DLGAP2: variants seen among roughly 807,000 people sequenced by gnomAD.
DLGAP2 encodes disks large-associated protein 2.
In DLGAP2, 26 loss-of-function variants were observed where a neutral mutation model predicts 100.3. That is an observed-to-expected ratio of 0.26 (90% CI 0.19 to 0.36). DLGAP2 has a LOEUF of 0.36. Ranked by LOEUF, DLGAP2 falls within the 10% of genes least tolerant of loss-of-function variation. The pLI, the probability that DLGAP2 is intolerant of heterozygous loss-of-function variation, is 1.00. For synonymous variants in DLGAP2, 886 were observed against 630.1 expected, an observed-to-expected ratio of 1.41 and a Z score of -6.08; for missense variants, 1,858 against 1,453.2, an observed-to-expected ratio of 1.28 and a Z score of -4.53.
intron 2 of DLGAP2, among the ~76,000 whole-genome samples, chr8:945,906 T>C (rs912692554): frequency 6.6e-6 from 1 of 152,136 alleles, no homozygotes; most frequent in Non-Finnish European, 1.5e-5. Flanking sequence ...TTCCCATGTT[T>C]CCTTGAAGAC....
At chr8:1,092,412 G>T (rs947551464) in intron 2 of DLGAP2, among the ~76,000 whole-genome samples, 1 of 152,224 alleles carries the variant, frequency 6.6e-6, no homozygotes, top group Non-Finnish European at 1.5e-5. Context: ...CGATCCCGGG[G>T]CTGGCTTGCC....
intron 2 of DLGAP2, among the ~76,000 whole-genome samples, chr8:1,204,095 C>G (rs1014489101): frequency 6.6e-6 from 1 of 152,202 alleles, no homozygotes; most frequent in African/African-American, 2.4e-5. Context: ...TGGAGCGGGA[C>G]CTGAATTCTG....
intron 2 of DLGAP2, among the ~76,000 whole-genome samples, chr8:1,159,879 C>T (rs1374645062): frequency 6.6e-6 from 1 of 152,234 alleles, no homozygotes; most frequent in Non-Finnish European, 1.5e-5. Context: ...CCCCCAACCC[C>T]TGAAGGAGGC....
At chr8:1,634,271 C>T (rs2130783323) in intron 8 of DLGAP2, among the ~76,000 whole-genome samples, 1 of 152,048 alleles carries the variant, frequency 6.6e-6, no homozygotes, top group South Asian at 2.1e-4. Flanking sequence ...CCTCGGTGTG[C>T]TTTTTATGTG....
chr8:805,638 C>T (rs528252937), intron 1 of DLGAP2, among the ~76,000 whole-genome samples: 1 of 152,200 alleles, frequency 6.6e-6, no homozygotes, highest in East Asian at 1.9e-4. Context: ...GACACGGTCT[C>T]TTTCTGTCAC....
chr8:846,035 G>A (rs1001652628), intron 1 of DLGAP2, among the ~76,000 whole-genome samples: 3 of 152,174 alleles, frequency 2.0e-5, no homozygotes, highest in Non-Finnish European at 2.9e-5. Flanking sequence ...ACACACTTAC[G>A]GAGTACAATG....
At chr8:1,228,889 C>T (rs1317485456) in intron 2 of DLGAP2, among the ~76,000 whole-genome samples, 2 of 152,074 alleles carry the variant, frequency 1.3e-5, no homozygotes, top group Non-Finnish European at 2.9e-5. Context: ...TCTTGGCTGT[C>T]ACTACTTCTA....
chr8:1,452,989 G>A (rs534011433), intron 3 of DLGAP2, among the ~76,000 whole-genome samples: 1 of 152,206 alleles, frequency 6.6e-6, no homozygotes, highest in Admixed American at 6.5e-5. Flanking sequence ...GGAAGGAGAC[G>A]TGAGAAGTCC....
chr8:1,412,764 G>C (rs1563130955), intron 3 of DLGAP2, among the ~76,000 whole-genome samples: 2 of 152,192 alleles, frequency 1.3e-5, no homozygotes, highest in African/African-American at 4.8e-5. Context: ...ATTGCCAGCT[G>C]TGATGGCCAT....
chr8:1,626,751 T>C lies in DLGAP2; in HGVS notation c.1454T>C (p.Leu485Pro). ...PLGEHQTQTY[L>P]QAASDVPVGH... ...CTTCTTTCCTGTAGCCAGACCTACC[T>C]GCAAGCTGCAAGCGATGTGCCTGTG... The change falls in exon 7 of 15, where the codon CTG becomes CCG. Residue 485 changes from leucine (L) to proline (P), a missense_variant. By Grantham distance (98) the Leu-to-Pro change is moderately conservative. Transcript: ENST00000637795. 2 of 1,601,886 alleles carry C rather than the reference T, an allele frequency of 1.2e-6. No homozygotes were observed. Among genetic ancestry groups the C allele is most frequent in the South Asian group, 2.3e-5 (2 of 88,174 alleles).
Position 743,192 on chromosome 8 carries a change from C to A in DLGAP2, c.18+5367C>A, listed in dbSNP as rs1035298272. Among the ~76,000 whole-genome samples, 16 of 152,252 alleles carry A rather than the reference C, an allele frequency of 1.1e-4. 1 individual carries two copies. Among genetic ancestry groups the A allele is most frequent in the Admixed American group, 8.5e-4 (13 of 15,294 alleles). ...TAATTAGAAAATAGAAATAGAAAAT[C>A]GGAAGAAACACATGTGATAACCATG... is the stretch of plus-strand genomic sequence containing the variant. On this transcript the variant is annotated intron_variant, in intron 1 of 14. Coordinates refer to ENST00000637795, the MANE Select transcript of DLGAP2 (RefSeq NM_001346810.2).
chr8:988,573 G>T (rs1352278411), intron 2 of DLGAP2, among the ~76,000 whole-genome samples: 3 of 152,092 alleles, frequency 2.0e-5, no homozygotes, highest in Non-Finnish European at 4.4e-5. Context: ...CTTGTCCCTG[G>T]GGGTGTCTGG....
chr8:1,515,659 A>G (rs998950752), intron 4 of DLGAP2, among the ~76,000 whole-genome samples: 1 of 149,148 alleles, frequency 6.7e-6, no homozygotes, highest in African/African-American at 2.5e-5. Flanking sequence ...GACATGAAAT[A>G]TACACATACA....
At chr8:1,294,300 G>T (rs17754269) in intron 3 of DLGAP2, among the ~76,000 whole-genome samples, 8,078 of 152,206 alleles carry the variant, frequency 0.053, 585 homozygotes, top group African/African-American at 0.16. Context: ...GTCTTATTAA[G>T]GGAAAAAATG....
chr8:1,690,172 A>G (rs1799221303), intron 12 of DLGAP2, among the ~76,000 whole-genome samples: 1 of 151,956 alleles, frequency 6.6e-6, no homozygotes, highest in Non-Finnish European at 1.5e-5. Flanking sequence ...CCTGGCCAAC[A>G]TGGTGAAACG....
chr8:950,165 G>A (rs1266154286), intron 2 of DLGAP2, among the ~76,000 whole-genome samples: 1 of 152,138 alleles, frequency 6.6e-6, no homozygotes, highest in Non-Finnish European at 1.5e-5. Flanking sequence ...ACAGTGACTC[G>A]GGGCTGGGTT....
intron 1 of DLGAP2, among the ~76,000 whole-genome samples, chr8:847,957 T>A (rs183929066): frequency 1.2e-4 from 19 of 152,352 alleles, no homozygotes; most frequent in Admixed American, 2.6e-4. Flanking sequence ...TACTTTGATT[T>A]AGACTTAATG....
chr8:898,395 A>G (rs73181070), intron 1 of DLGAP2, among the ~76,000 whole-genome samples: 6,193 of 152,276 alleles, frequency 0.041, 170 homozygotes, highest in Non-Finnish European at 0.058. Context: ...GGTCCCTGGA[A>G]GGCGGTCATT....
intron 1 of DLGAP2, among the ~76,000 whole-genome samples, chr8:793,885 G>A (rs959540304): frequency 6.6e-6 from 1 of 152,182 alleles, no homozygotes; most frequent in Non-Finnish European, 1.5e-5. Context: ...CGGCTTCTCA[G>A]CTTTGTTTCC....
Sources: allele counts gnomAD v4.1 joint callset (sites outside exome capture counted in the v4.1 genomes callset), GRCh38; gene constraint gnomAD v4.1.1; transcripts MANE v1.5; gene names NCBI Gene and HGNC (gene_info 2026-07-23, HGNC 2026-07-21).